Variants in BZW1 observed in about 807,000 individuals in gnomAD.
The protein encoded by BZW1 is eIF5-mimic protein 2.
Under a neutral mutation model 54.1 loss-of-function variants are expected in BZW1, and 3 were observed. The ratio of observed to expected loss-of-function variants is 0.06; its 90% confidence interval spans 0.03 to 0.14. The LOEUF (loss-of-function observed/expected upper bound fraction) is 0.14. Ranked by LOEUF, BZW1 falls within the 10% of genes least tolerant of loss-of-function variation. The pLI is 1.00. For missense variants in BZW1, 206 were observed against 491.7 expected (o/e 0.42, Z 5.50); for synonymous variants, 152 against 162.7 (o/e 0.93, Z 0.50).
chr2:200,818,844 T>G lies in BZW1; in HGVS notation c.909T>G (p.Thr303=). The change falls in exon 9 of 12, where the codon ACT becomes ACG. Residue 303 remains threonine (T), a synonymous_variant. Coordinates refer to ENST00000409600, the MANE Select transcript of BZW1 (RefSeq NM_001207067.2). ...IGIVWSSVMS[T]VEWNKKEELV... ...TAGTCTGGTCAAGTGTAATGAGCAC[T>G]GTGGAATGGAACAAAAAAGAGGAGC... 6.2e-7 allele frequency: 1 copy of G among 1,603,694 alleles called. No homozygotes were observed. Among genetic ancestry groups the G allele is most frequent in the Non-Finnish European group, 8.5e-7 (1 of 1,177,200 alleles).
At position 200,826,411 on chromosome 2, in the gene BZW1, T is replaced by A. The variant is rs1323568246; in HGVS notation, c.*4233T>A. ...TAGATAGATAGATAGATAGATATTT[T>A]TTTTTTTTTTTTTTTTTTTTTTTTT... On this transcript the variant is annotated 3_prime_UTR_variant, in exon 12 of 12. Transcript: ENST00000409600. 3.7e-4 allele frequency: 14 copies of A among 37,458 alleles called. No individual in the cohort carries two copies. Among genetic ancestry groups the A allele is most frequent in the African/African-American group, 1.9e-3 (14 of 7,250 alleles). 2.3% of individuals were successfully genotyped at this position (37,458 alleles called of 1,614,324 possible).
chr2:200,817,774 G>A (rs1446766643), intron 6 of BZW1, among the ~76,000 whole-genome samples, 200 bp from the exon 7 acceptor site: 2 of 152,078 alleles, frequency 1.3e-5, no homozygotes, highest in African/African-American at 4.8e-5. Context: ...AAGTAACTTG[G>A]CCAAGAATAT....
chr2:200,812,949 T>C (rs1183176887), intron 1 of BZW1: 1 of 675,354 alleles, frequency 1.5e-6, no homozygotes, highest in Non-Finnish European at 2.8e-6. Flanking sequence ...GGGTGATCAC[T>C]GTAGCACTAC....
intron 9 of BZW1, 187 bp downstream of exon 9, chr2:200,819,088 G>A (rs2038406023): frequency 7.0e-6 from 5 of 713,584 alleles, no homozygotes; most frequent in Non-Finnish European, 8.6e-6. Flanking sequence ...TGGTTCACAG[G>A]TTAAAAACAA....
intron 9 of BZW1, chr2:200,819,143 G>A (rs1191367279): frequency 2.0e-5 from 9 of 447,652 alleles, no homozygotes; most frequent in African/African-American, 4.2e-5. Context: ...TGTAAACCCA[G>A]CACTTTGGGA....
intron 4 of BZW1, 71 bp downstream of exon 4, chr2:200,815,832 T>G: frequency 7.5e-7 from 1 of 1,334,222 alleles, no homozygotes; most frequent in Non-Finnish European, 1.0e-6. Context: ...AATATTCTAC[T>G]TTTAAGAGTT....
rs1376513453 is a variant in BZW1, at chr2:200,825,515, A to G, written c.*3337A>G. ...AAGTAGTATTTTTTCTGTCAGGGTCAATAGAAAGTAGACGAAATTCATTTT... is the reference window on the plus strand; with the variant it reads ...AAGTAGTATTTTTTCTGTCAGGGTCGATAGAAAGTAGACGAAATTCATTTT... On this transcript the variant is annotated 3_prime_UTR_variant, in exon 12 of 12. Transcript: ENST00000409600. 6.6e-6 allele frequency: 1 copy of G among 152,242 alleles called. No homozygotes were observed. The highest frequency in any genetic ancestry group is 1.5e-5 in the Non-Finnish European group (1 of 68,042). 9.4% of individuals were successfully genotyped at this position (152,242 alleles called of 1,614,324 possible).
At position 200,823,757 on chromosome 2, in the gene BZW1, C is replaced by T. The variant is rs1349343025; in HGVS notation, c.*1579C>T. On this transcript the variant is annotated 3_prime_UTR_variant, in exon 12 of 12. Coordinates refer to ENST00000409600, the MANE Select transcript of BZW1 (RefSeq NM_001207067.2). ...GCAAAATGTATTCACTAGATTTCTA[C>T]GTAGTGATCTGCTTTTACTTTGTAA... The T allele has an allele frequency of 6.6e-6, 1 of 151,904 alleles. No individual in the cohort carries two copies. The highest frequency in any genetic ancestry group is 2.4e-5 in the African/African-American group (1 of 41,214). The allele number at this position is 151,904 out of a possible 1,614,324, so 9.4% of individuals were successfully genotyped here.
rs1559309177 is a variant in BZW1, at chr2:200,813,289, T to C, written c.64+8T>C. On this transcript the variant is annotated splice_region_variant and intron_variant, in intron 2 of 11. Transcript: ENST00000409600. ...TTAAAACTAGAAAAAGAGGTAAATA[T>C]TTACGTTTTAATGTCTCTCTTCAAA... 6.2e-7 allele frequency: 1 copy of C among 1,609,620 alleles called. No individual in the cohort carries two copies. The highest frequency in any genetic ancestry group is 1.3e-5 in the African/African-American group (1 of 74,928).
chr2:200,812,685 G>T, intron 1 of BZW1: 1 of 1,010,140 alleles, frequency 9.9e-7, no homozygotes. Flanking sequence ...TAGTTTTGCA[G>T]GCCTGAGTGG....
chr2:200,814,362 C>T (rs1358807345), intron 2 of BZW1, among the ~76,000 whole-genome samples: 2 of 152,124 alleles, frequency 1.3e-5, no homozygotes, highest in African/African-American at 4.8e-5. Context: ...ATACAACACT[C>T]CCTGTCTGGG....
At chr2:200,820,152 C>A in intron 10 of BZW1, 32 bp downstream of exon 10, 1 of 1,490,250 alleles carries the variant, frequency 6.7e-7, no homozygotes, top group South Asian at 1.3e-5. Flanking sequence ...GTAAATAACA[C>A]TTAATAAAAA....
At chr2:200,812,402 G>A (rs1218939507) in intron 1 of BZW1, 3 of 1,280,766 alleles carry the variant, frequency 2.3e-6, no homozygotes, top group Non-Finnish European at 2.0e-6. Context: ...GCTGGAGGGC[G>A]GGCGGATGTA....
At position 200,813,211 on chromosome 2, in the gene BZW1, G is replaced by A; in HGVS notation, c.-7G>A. On this transcript the variant is annotated 5_prime_UTR_variant, in exon 2 of 12. Coordinates refer to ENST00000409600, the MANE Select transcript of BZW1 (RefSeq NM_001207067.2). ...GGCTTTATTTCTCCTTTCCTAGGGT[G>A]TCTTTTATGAATAATCAAAAGCAGC... The A allele has an allele frequency of 6.2e-7, 1 of 1,612,836 alleles. No homozygotes were observed. The highest frequency in any genetic ancestry group is 8.5e-7 in the Non-Finnish European group (1 of 1,179,246).
intron 4 of BZW1, 35 bp from the exon 5 acceptor site, chr2:200,816,290 A>ATGAAGTTACTGAATTCATT: frequency 6.8e-7 from 1 of 1,470,310 alleles, no homozygotes; most frequent in Non-Finnish European, 9.4e-7. Flanking sequence ...CTAGAAATAT[A>ATGAAGTTACTGAATTCATT]TGAAGTTACT....
chr2:200,812,213 G>C (rs1031114435), intron 1 of BZW1: 13 of 1,226,784 alleles, frequency 1.1e-5, no homozygotes, highest in Admixed American at 8.5e-5. Flanking sequence ...CCGGGTGTGC[G>C]CCGCGGCGCT....
chr2:200,815,590 T>C, intron 3 of BZW1, 73 bp downstream of exon 3: 1 of 1,597,592 alleles, frequency 6.3e-7, no homozygotes. Context: ...GAGTCTAGAA[T>C]ATGAACTATT....
In BZW1 at chr2:200,812,229, C is replaced by T. The variant is rs985270601; in HGVS notation, c.-11+239C>T. The T allele has an allele frequency of 4.9e-6, 6 of 1,228,304 alleles. No individual in the cohort carries two copies. In the Admixed American group the frequency reaches 1.3e-4, roughly 26 times the overall value. 76.1% of individuals were successfully genotyped at this position (1,228,304 alleles called of 1,614,324 possible). A position where few individuals can be genotyped will look rare whatever the true frequency, so the allele number is the denominator to read the frequency against. On this transcript the variant is annotated intron_variant, in intron 1 of 11. Coordinates refer to ENST00000409600, the MANE Select transcript of BZW1 (RefSeq NM_001207067.2). ...CGGGTGTGCGCCGCGGCGCTGGCTGCGAAGGCAGTGGCCGAGGCGGGCTCC... is the reference window on the plus strand; with the variant it reads ...CGGGTGTGCGCCGCGGCGCTGGCTGTGAAGGCAGTGGCCGAGGCGGGCTCC...
intron 11 of BZW1, 51 bp downstream of exon 11, chr2:200,821,356 G>A (rs1335035703): frequency 1.9e-6 from 3 of 1,600,764 alleles, no homozygotes; most frequent in Non-Finnish European, 2.6e-6. Flanking sequence ...TTTTAATGTG[G>A]CCATAATATA....
Sources: allele counts gnomAD v4.1 joint callset (sites outside exome capture counted in the v4.1 genomes callset), GRCh38; gene constraint gnomAD v4.1.1; transcripts MANE v1.5; gene names NCBI Gene and HGNC (gene_info 2026-07-23, HGNC 2026-07-21).